C5orf22: variants seen among roughly 807,000 people sequenced by gnomAD.
C5orf22 encodes the protein UPF0489 protein C5orf22.
Under a neutral mutation model 48.7 loss-of-function variants are expected in C5orf22, and 36 were observed. The ratio of observed to expected loss-of-function variants is 0.74; its 90% confidence interval spans 0.57 to 0.98. The LOEUF is 0.98. C5orf22 is among the 50% of genes least tolerant of loss of function. The pLI, the probability that C5orf22 is intolerant of heterozygous loss-of-function variation, is 0.00. For synonymous variants in C5orf22, 141 were observed against 180.8 expected, an observed-to-expected ratio of 0.78 and a Z score of 1.76; for missense variants, 486 against 521.9, an observed-to-expected ratio of 0.93 and a Z score of 0.67.
chr5:31,545,577 A>G (rs1742832600), intron 6 of C5orf22, 69 bp from the exon 7 acceptor site: 5 of 1,031,680 alleles, frequency 4.8e-6, no homozygotes, highest in Non-Finnish European at 7.7e-6. Flanking sequence ...AGTATAATGT[A>G]TAATTTGCTA....
intron 8 of C5orf22, among the ~76,000 whole-genome samples, chr5:31,551,743 T>G (rs1053423382): frequency 6.6e-6 from 1 of 152,170 alleles, no homozygotes; most frequent in Non-Finnish European, 1.5e-5. Context: ...AGGGGACAGA[T>G]TATCCCTGGG....
At chr5:31,552,702 A>AGAAATTCCTC in intron 8 of C5orf22, 71 bp from the exon 9 acceptor site, 1 of 1,354,752 alleles carries the variant, frequency 7.4e-7, no homozygotes, top group South Asian at 1.3e-5. Flanking sequence ...AAATGAACAC[A>AGAAATTCCTC]TGCAGCTTTT....
intron 1 of C5orf22, 40 bp downstream of exon 1, chr5:31,532,513 G>A (rs771639634): frequency 2.4e-5 from 38 of 1,566,546 alleles, no homozygotes; most frequent in Non-Finnish European, 3.2e-5. Context: ...AGAATCAGCG[G>A]AAGCCCTGAC....
At chr5:31,541,638 C>T (rs940341674) in intron 6 of C5orf22, among the ~76,000 whole-genome samples, 2 of 152,032 alleles carry the variant, frequency 1.3e-5, no homozygotes, top group African/African-American at 4.8e-5. Context: ...CTACCTGTAG[C>T]CACTACAGCC....
At position 31,550,790 on chromosome 5, in the gene C5orf22, G is replaced by A. The variant is rs529892228; in HGVS notation, c.1060-503G>A. ...TTGGTCAGGCTGGTCTCCAACTCCC[G>A]ACCTCAGGTGATCCGCCTGTCTCAG... On this transcript the variant is annotated intron_variant, in intron 7 of 8. Coordinates refer to ENST00000325366, the MANE Select transcript of C5orf22 (RefSeq NM_018356.3). 1.1e-4 allele frequency among the ~76,000 whole-genome samples: 17 copies of A among 152,250 alleles called. No individual in the cohort carries two copies. The East Asian group carries it at 2.5e-3, about 23-fold the overall frequency.
Position 31,549,265 on chromosome 5 carries a change from C to T in C5orf22, c.1060-2028C>T, listed in dbSNP as rs572629875. Among the ~76,000 whole-genome samples, 14 of 152,172 alleles carry T rather than the reference C, an allele frequency of 9.2e-5. No homozygotes were observed. In the South Asian group the frequency reaches 2.5e-3, roughly 27 times the overall value. On this transcript the variant is annotated intron_variant, in intron 7 of 8. Transcript: ENST00000325366. ...ACTGTCAGATCTCCTGATACTCATT[C>T]GCTATCATGAGAACAGTGCAGGAAA...
chr5:31,534,965 T>C (rs368798702), intron 2 of C5orf22: 19 of 453,584 alleles, frequency 4.2e-5, no homozygotes, highest in African/African-American at 3.6e-4. Flanking sequence ...ATAGAGACCA[T>C]TGGATTCTCA....
intron 6 of C5orf22, among the ~76,000 whole-genome samples, chr5:31,543,269 C>A (rs2150076334): frequency 6.6e-6 from 1 of 152,324 alleles, no homozygotes; most frequent in South Asian, 2.1e-4. Context: ...TGATTAGGCA[C>A]TTTAACATCA....
intron 4 of C5orf22, 45 bp from the exon 5 acceptor site, chr5:31,540,904 A>T (rs1742412529): frequency 7.0e-7 from 1 of 1,425,018 alleles, no homozygotes; most frequent in Admixed American, 1.8e-5. Flanking sequence ...AAAAAATTTT[A>T]ACTTTTTTTT....
intron 3 of C5orf22, among the ~76,000 whole-genome samples, chr5:31,536,800 T>C (rs1742126162): frequency 2.0e-5 from 3 of 152,206 alleles, no homozygotes; most frequent in Admixed American, 1.3e-4. Context: ...GAAATATCAA[T>C]ATGTTCTTGA....
At chr5:31,550,507 A>G (rs1231900710) in intron 7 of C5orf22, among the ~76,000 whole-genome samples, 1 of 152,234 alleles carries the variant, frequency 6.6e-6, no homozygotes, top group African/African-American at 2.4e-5. Context: ...AGGTGCACAT[A>G]TTAATATTTA....
chr5:31,534,477 A>C (rs1284015933), intron 2 of C5orf22, 60 bp downstream of exon 2: 5 of 1,444,358 alleles, frequency 3.5e-6, no homozygotes, highest in Non-Finnish European at 4.7e-6. Context: ...AGTAGATAAT[A>C]AGCAATTATA....
intron 1 of C5orf22, among the ~76,000 whole-genome samples, 167 bp downstream of exon 1, chr5:31,532,640 A>G (rs1417854193): frequency 6.6e-6 from 1 of 152,092 alleles, no homozygotes; most frequent in Non-Finnish European, 1.5e-5. Flanking sequence ...AACTAGGAAG[A>G]ATGAGAACTG....
At position 31,532,366 on chromosome 5, in the gene C5orf22, T is replaced by A; in HGVS notation, c.-27T>A. The A allele has an allele frequency of 6.2e-7, 1 of 1,613,392 alleles. No homozygotes were observed. On this transcript the variant is annotated 5_prime_UTR_variant, in exon 1 of 9. Coordinates refer to ENST00000325366, the MANE Select transcript of C5orf22 (RefSeq NM_018356.3). Reference sequence around the variant, plus strand: ...GGGTCTTCTCCAGCTGCCACCGCTTTACTGCAAAACTGACGGGCGCAAAAA... The same window carrying A: ...GGGTCTTCTCCAGCTGCCACCGCTTAACTGCAAAACTGACGGGCGCAAAAA...
At chr5:31,539,294 T>C (rs1196471613) in intron 4 of C5orf22, among the ~76,000 whole-genome samples, 4 of 152,190 alleles carry the variant, frequency 2.6e-5, no homozygotes, top group African/African-American at 9.6e-5. Flanking sequence ...CATCCACAGA[T>C]TTTGGTATCC....
At chr5:31,541,105 A>AGAGT (rs1742430410) in intron 5 of C5orf22, 94 bp downstream of exon 5, 1 of 644,974 alleles carries the variant, frequency 1.6e-6, no homozygotes, top group African/African-American at 1.9e-5. Context: ...GACTGCTCAA[A>AGAGT]GTGTGTGTGT....
chr5:31,554,283 G>T lies in C5orf22; in HGVS notation c.*1381G>T, dbSNP rs1393892407. On this transcript the variant is annotated 3_prime_UTR_variant, in exon 9 of 9. Coordinates refer to ENST00000325366, the MANE Select transcript of C5orf22 (RefSeq NM_018356.3). ...CCTTACCCACATGTGTTCCTATAGA[G>T]TTGCATGTAGCTAAAATTATAGTGT... 7 of 152,172 alleles carry T rather than the reference G, an allele frequency of 4.6e-5. No individual in the cohort carries two copies. The highest frequency in any genetic ancestry group is 1.7e-4 in the African/African-American group (7 of 41,446). 9.4% of individuals were successfully genotyped at this position (152,172 alleles called of 1,614,324 possible). A position where few individuals can be genotyped will look rare whatever the true frequency, so the allele number is the denominator to read the frequency against.
intron 6 of C5orf22, among the ~76,000 whole-genome samples, chr5:31,541,897 C>A (rs376471038): frequency 2.6e-5 from 4 of 152,284 alleles, no homozygotes; most frequent in African/African-American, 9.6e-5. Context: ...GTACTCCTTA[C>A]AACAGTCTTA....
chr5:31,547,175 C>T (rs887103145), intron 7 of C5orf22, among the ~76,000 whole-genome samples: 6 of 152,272 alleles, frequency 3.9e-5, no homozygotes, highest in Non-Finnish European at 5.9e-5. Flanking sequence ...AATCTTAAAG[C>T]TCCAAAACGA....
Sources: gnomAD v4.1 joint callset for allele counts (sites outside exome capture counted in the v4.1 genomes callset) on GRCh38, gnomAD v4.1.1 for gene constraint, MANE v1.5 for transcripts, NCBI Gene and HGNC (gene_info 2026-07-23, HGNC 2026-07-21) for gene names.